The following SMIM36 variants were observed in gnomAD, a reference collection of about 807,000 sequenced individuals.
SMIM36 encodes the protein small integral membrane protein 36.
At chr17:55,499,377 A>G (rs966664831) in intron 1 of SMIM36, among the ~76,000 whole-genome samples, 2 of 152,134 alleles carry the variant, frequency 1.3e-5, no homozygotes, top group African/African-American at 2.4e-5. Flanking sequence ...CCCATCTAGA[A>G]TTGAGTTCAA....
intron 3 of SMIM36, among the ~76,000 whole-genome samples, chr17:55,469,210 C>T (rs1242656776): frequency 6.6e-6 from 1 of 152,140 alleles, no homozygotes; most frequent in East Asian, 1.9e-4. Flanking sequence ...ATCACCTCCC[C>T]TCCTTACACC....
intron 1 of SMIM36, among the ~76,000 whole-genome samples, chr17:55,501,778 C>T (rs1469696199): frequency 1.3e-5 from 2 of 151,494 alleles, no homozygotes; most frequent in Middle Eastern, 3.4e-3. Context: ...GCGTGACCGA[C>T]GCAGAAGACC....
chr17:55,509,900 G>A (rs1369493181), intron 1 of SMIM36, among the ~76,000 whole-genome samples: 3 of 152,120 alleles, frequency 2.0e-5, no homozygotes, highest in Non-Finnish European at 2.9e-5. Context: ...ACCAAGCTGT[G>A]GGGTCTCAGA....
At chr17:55,523,248 G>T in the SMIM36 span, among the ~76,000 whole-genome samples, 1 of 152,106 alleles carries the variant, frequency 6.6e-6, no homozygotes. Context: ...CACCACATGA[G>T]GGGCTGGGTG....
In SMIM36 at chr17:55,467,330, T is replaced by G. The variant is rs1224079411; in HGVS notation, c.*348-2A>C. On this transcript the variant is annotated splice_acceptor_variant, in intron 3 of 4. Transcript: ENST00000636752. LOFTEE classifies it low-confidence loss of function (3UTR_SPLICE). Reference sequence around the variant, plus strand: ...ATTGGGGCCAGTCAGTTCCATCACCTATAGGATGAAAACAGAGACACCAAC... The same window carrying G: ...ATTGGGGCCAGTCAGTTCCATCACCGATAGGATGAAAACAGAGACACCAAC... 1 of 152,112 alleles carries G rather than the reference T, an allele frequency of 6.6e-6. No homozygotes were observed. The highest frequency in any genetic ancestry group is 1.5e-5 in the Non-Finnish European group (1 of 68,028). The allele number at this position is 152,112 out of a possible 1,614,324, so 9.4% of individuals were successfully genotyped here.
At chr17:55,522,931 G>C in the SMIM36 span, among the ~76,000 whole-genome samples, 1 of 152,022 alleles carries the variant, frequency 6.6e-6, no homozygotes, top group African/African-American at 2.4e-5. Flanking sequence ...TATATATTTG[G>C]GGAATGAATA....
At chr17:55,460,265 T>C (rs1477860589) in intron 4 of SMIM36, among the ~76,000 whole-genome samples, 3 of 150,938 alleles carry the variant, frequency 2.0e-5, no homozygotes, top group Admixed American at 6.6e-5. Context: ...CTGTCTCTAC[T>C]AAAACTACAA....
intron 1 of SMIM36, among the ~76,000 whole-genome samples, chr17:55,495,901 C>G (rs1050506784): frequency 6.6e-6 from 1 of 152,118 alleles, no homozygotes. Flanking sequence ...TATTCTTGAT[C>G]GTGAGAGTTG....
At chr17:55,463,989 T>C (rs1234304785) in intron 4 of SMIM36, among the ~76,000 whole-genome samples, 1 of 151,880 alleles carries the variant, frequency 6.6e-6, no homozygotes, top group Non-Finnish European at 1.5e-5. Flanking sequence ...GGAGGCATGT[T>C]CCTGTATCCT....
chr17:55,494,604 T>C (rs1909774351), intron 1 of SMIM36, among the ~76,000 whole-genome samples: 1 of 152,190 alleles, frequency 6.6e-6, no homozygotes, highest in Non-Finnish European at 1.5e-5. Context: ...AATGTACATA[T>C]AATTTATAAG....
the SMIM36 span, among the ~76,000 whole-genome samples, chr17:55,529,261 G>T: frequency 6.6e-6 from 1 of 152,168 alleles, no homozygotes; most frequent in Non-Finnish European, 1.5e-5. Context: ...ATGCTAGTTT[G>T]TTTTACAAAT....
chr17:55,479,662 G>C (rs886707356), intron 1 of SMIM36, 82 bp from the exon 2 acceptor site: 1 of 152,212 alleles, frequency 6.6e-6, no homozygotes, highest in African/African-American at 2.4e-5. Context: ...CTCAGGTTTT[G>C]CATCTGTTGT....
the SMIM36 span, among the ~76,000 whole-genome samples, chr17:55,522,514 C>T: frequency 1.3e-5 from 2 of 152,162 alleles, no homozygotes; most frequent in East Asian, 3.8e-4. Flanking sequence ...TATAGGCAGG[C>T]AAGAGAGTTT....
At chr17:55,483,112 G>A (rs1029225406) in intron 1 of SMIM36, among the ~76,000 whole-genome samples, 1 of 152,230 alleles carries the variant, frequency 6.6e-6, no homozygotes, top group Non-Finnish European at 1.5e-5. Context: ...TTGAACTAAT[G>A]TGAGTTCCTC....
chr17:55,471,968 C>T (rs754145061), intron 3 of SMIM36, among the ~76,000 whole-genome samples: 7 of 152,160 alleles, frequency 4.6e-5, no homozygotes, highest in South Asian at 2.1e-4. Context: ...ATATCCTCAT[C>T]GCACCTGTCA....
At chr17:55,530,539 C>T in the SMIM36 span, among the ~76,000 whole-genome samples, 3 of 152,310 alleles carry the variant, frequency 2.0e-5, no homozygotes, top group Admixed American at 6.5e-5. Context: ...AATCCCAGCA[C>T]TTTGGGAGGC....
intron 4 of SMIM36, among the ~76,000 whole-genome samples, chr17:55,457,647 C>T (rs1361786847): frequency 6.6e-6 from 1 of 151,718 alleles, no homozygotes; most frequent in East Asian, 2.0e-4. Context: ...CTGCTTCAGC[C>T]TCCCGAGTAG....
chr17:55,522,887 C>T, the SMIM36 span, among the ~76,000 whole-genome samples: 4 of 152,128 alleles, frequency 2.6e-5, no homozygotes, highest in Non-Finnish European at 5.9e-5. Context: ...TGTACACGGG[C>T]CCAGAGCATG....
At chr17:55,525,656 G>A in the SMIM36 span, among the ~76,000 whole-genome samples, 2 of 152,112 alleles carry the variant, frequency 1.3e-5, no homozygotes, top group African/African-American at 2.4e-5. Flanking sequence ...AAGTGTGATA[G>A]ACATTTATTG....
Sources: allele counts gnomAD v4.1 joint callset (sites outside exome capture counted in the v4.1 genomes callset), GRCh38; gene constraint gnomAD v4.1.1; transcripts MANE v1.5; gene names NCBI Gene and HGNC (gene_info 2026-07-23, HGNC 2026-07-21).